DYNC2H1: variants seen among roughly 807,000 people sequenced by gnomAD.
The protein encoded by DYNC2H1 is dynein cytoplasmic 2 heavy chain 1.
A neutral mutation model predicts 570.0 loss-of-function variants in DYNC2H1; 410 were observed. The ratio of observed to expected loss-of-function variants is 0.72; its 90% CI spans 0.66 to 0.78. The LOEUF is 0.78. Among genes scored for constraint, DYNC2H1 ranks in the 30% least tolerant of loss-of-function variants. The pLI, the probability that DYNC2H1 is intolerant of heterozygous loss-of-function variation, is 0.00. For missense variants in DYNC2H1, 4,865 were observed against 5,046.4 expected, an observed-to-expected ratio of 0.96 and a Z score of 1.09; for synonymous variants, 1,688 against 1,677.6, an observed-to-expected ratio of 1.01 and a Z score of -0.15.
intron 85 of DYNC2H1, among the ~76,000 whole-genome samples, chr11:103,440,385 C>G (rs530543826): frequency 7.8e-4 from 119 of 152,222 alleles, no homozygotes; most frequent in African/African-American, 2.8e-3. Context: ...AGTTTCATGT[C>G]TTTAGTTTTA....
chr11:103,335,514 T>C (rs1427942569), intron 82 of DYNC2H1, among the ~76,000 whole-genome samples: 1 of 151,802 alleles, frequency 6.6e-6, no homozygotes, highest in Non-Finnish European at 1.5e-5. Flanking sequence ...AGGAGAAAAA[T>C]ATGCTTTTGA....
At position 103,363,441 on chromosome 11, in the gene DYNC2H1, G is replaced by T. The variant is rs571756104; in HGVS notation, c.12156+5082G>T. Reference sequence around the variant, plus strand: ...TCTGGAATTTAGCAATTTCAAAATTGCTGTTAGGGGTTTAGATTAATACTC... The same window carrying T: ...TCTGGAATTTAGCAATTTCAAAATTTCTGTTAGGGGTTTAGATTAATACTC... On this transcript the variant is annotated intron_variant, in intron 83 of 88. Coordinates refer to ENST00000375735, the MANE Select transcript of DYNC2H1 (RefSeq NM_001377.3). This position sits in a 1 kb window ranked among gnomAD's most constrained non-coding sequence, Gnocchi z 5.6. 5.3e-5 allele frequency among the ~76,000 whole-genome samples: 8 copies of T among 152,260 alleles called. No homozygotes were observed. The South Asian group carries it at 1.7e-3, about 32-fold the overall frequency.
At position 103,358,191 on chromosome 11, in the gene DYNC2H1, T is replaced by G. The variant is rs1183059212; in HGVS notation, c.12040-52T>G. The stretch of plus-strand genomic sequence containing the variant: ...TTTTTGTACCTATGTTCTTTCTTCC[T>G]GTTCGGCTGAAGTTCTTTTTATTTG... On this transcript the variant is annotated intron_variant, in intron 82 of 88. Transcript: ENST00000375735. The G allele has an allele frequency of 5.6e-6, 6 of 1,067,272 alleles. No individual in the cohort carries two copies. In the Admixed American group the frequency reaches 1.6e-4, roughly 29 times the overall value. 66.1% of individuals were successfully genotyped at this position (1,067,272 alleles called of 1,614,324 possible).
At chr11:103,400,167 A>C in intron 84 of DYNC2H1, among the ~76,000 whole-genome samples, 1 of 152,330 alleles carries the variant, frequency 6.6e-6, no homozygotes, top group South Asian at 2.1e-4. Context: ...TCCCCTATAC[A>C]TGAGCTTGAG....
chr11:103,121,421 A>G lies in DYNC2H1; in HGVS notation c.1410A>G (p.Ala470=). 1 of 1,613,518 alleles carries G rather than the reference A, an allele frequency of 6.2e-7. No individual in the cohort carries two copies. The highest frequency in any genetic ancestry group is 8.5e-7 in the Non-Finnish European group (1 of 1,179,654). The part of the protein sequence containing the change: ...ENRCRGIPGD[A]SGPLSGKNLS... Reference sequence around the variant, plus strand: ...GGTGCCGAGGAATTCCTGGTGATGCATCTGGACCACTTTCTGGCAAAAATC... The same window carrying G: ...GGTGCCGAGGAATTCCTGGTGATGCGTCTGGACCACTTTCTGGCAAAAATC... The change falls in exon 10 of 89, where the codon GCA becomes GCG. Residue 470 remains alanine (A), a synonymous_variant. Transcript: ENST00000375735.
At chr11:103,255,306 T>G in intron 66 of DYNC2H1, 109 bp from the exon 67 acceptor site, 1 of 1,182,712 alleles carries the variant, frequency 8.5e-7, no homozygotes, top group Non-Finnish European at 1.2e-6. Context: ...TGAGATAACA[T>G]AGTATCATAT....
At chr11:103,175,754 C>T (rs12277383) in intron 36 of DYNC2H1, among the ~76,000 whole-genome samples, 4,407 of 152,076 alleles carry the variant, frequency 0.029, 218 homozygotes, top group African/African-American at 0.1. Flanking sequence ...TGGAGAGGCA[C>T]CTGAATTTAG....
At chr11:103,437,480 C>T (rs1331831529) in intron 85 of DYNC2H1, among the ~76,000 whole-genome samples, 9 of 149,916 alleles carry the variant, frequency 6.0e-5, no homozygotes, top group Non-Finnish European at 1.0e-4. Context: ...TCTATTATAA[C>T]CAGTTCTCTG....
chr11:103,422,524 G>T (rs1481982572), intron 84 of DYNC2H1, among the ~76,000 whole-genome samples: 1 of 152,034 alleles, frequency 6.6e-6, no homozygotes, highest in Non-Finnish European at 1.5e-5. Flanking sequence ...GGGATGCAAG[G>T]TTTGTTCAAC....
rs767920377 is a variant in DYNC2H1 at position 103,455,279 on chromosome 11, C to T, written c.12550C>T (p.Arg4184Cys). ...FHPDTFLNAL[R>C]QETARAVGRS... ...TCCAGACACATTTCTTAATGCTCTT[C>T]GCCAGGAAACTGCAAGGTAATTAAA... The change falls in exon 86 of 89, where the codon CGC becomes TGC. Residue 4184 changes from arginine (R) to cysteine (C), a missense_variant. By Grantham distance (180) the Arg-to-Cys change is radical. Around this residue, in one of 5 missense-constraint regions of DYNC2H1, gnomAD observed 2,401 missense variants for 2,454.6 expected, o/e 0.98. Transcript: ENST00000375735. 1.4e-5 allele frequency: 22 copies of T among 1,612,976 alleles called. No homozygotes were observed. Among genetic ancestry groups the T allele is most frequent in the African/African-American group, 2.7e-5 (2 of 74,868 alleles).
At position 103,146,451 on chromosome 11, in the gene DYNC2H1, A is replaced by G. The variant is rs551273229; in HGVS notation, c.2703-1321A>G. 2.2e-4 allele frequency among the ~76,000 whole-genome samples: 33 copies of G among 152,244 alleles called. 1 individual carries two copies. In the South Asian group the frequency reaches 6.6e-3, roughly 31 times the overall value. On this transcript the variant is annotated intron_variant, in intron 18 of 88. Coordinates refer to ENST00000375735, the MANE Select transcript of DYNC2H1 (RefSeq NM_001377.3). ...ATAATTACTCATTTAAAAACTTTATACTTGTTTTCTGATTATTAAAATAGT... is the reference window on the plus strand; with the variant it reads ...ATAATTACTCATTTAAAAACTTTATGCTTGTTTTCTGATTATTAAAATAGT...
chr11:103,442,144 T>C (rs956000401), intron 85 of DYNC2H1, among the ~76,000 whole-genome samples: 1 of 152,128 alleles, frequency 6.6e-6, no homozygotes, highest in Non-Finnish European at 1.5e-5. Flanking sequence ...TGAATAAGTA[T>C]ATATTTATCA....
In DYNC2H1 at chr11:103,363,373, T is replaced by C. The variant is rs1341909165; in HGVS notation, c.12156+5014T>C. ...CTGGAGAGGAGATCTACTAGTGTGT[T>C]ATTTCAACTGAGAGAGAATGTTTAT... On this transcript the variant is annotated intron_variant, in intron 83 of 88. Coordinates refer to ENST00000375735, the MANE Select transcript of DYNC2H1 (RefSeq NM_001377.3). The surrounding 1 kb of genome is among the most constrained non-coding windows in gnomAD (Gnocchi z 5.6). Among the ~76,000 whole-genome samples the C allele has an allele frequency of 2.0e-5, 3 of 152,200 alleles. No individual in the cohort carries two copies. The highest frequency in any genetic ancestry group is 4.4e-5 in the Non-Finnish European group (3 of 68,026).
At chr11:103,248,709 A>G (rs1176631415) in intron 65 of DYNC2H1, among the ~76,000 whole-genome samples, 1 of 152,030 alleles carries the variant, frequency 6.6e-6, no homozygotes, top group African/African-American at 2.4e-5. Flanking sequence ...CTGTCATAAT[A>G]CATTTCTTTC....
chr11:103,202,670 G>A lies in DYNC2H1; in HGVS notation c.8198-993G>A, dbSNP rs540671120. Reference sequence around the variant, plus strand: ...CTTAGTTGAACCTAAAGAAAAGTAGGGATCAGACTGTGATGGGCCTTATAT... The same window carrying A: ...CTTAGTTGAACCTAAAGAAAAGTAGAGATCAGACTGTGATGGGCCTTATAT... On this transcript the variant is annotated intron_variant, in intron 50 of 88. Transcript: ENST00000375735. Among the ~76,000 whole-genome samples the A allele has an allele frequency of 9.2e-5, 14 of 152,040 alleles. No homozygotes were observed. The South Asian group carries it at 2.7e-3, about 29-fold the overall frequency.
chr11:103,170,581 A>G lies in DYNC2H1; in HGVS notation c.5151+291A>G, dbSNP rs1297825327. ...ATACAAAAGGAAAAATCTTCTGTTCATTTCAGATGACAGTTTTAAAAACAT... is the reference window on the plus strand; with the variant it reads ...ATACAAAAGGAAAAATCTTCTGTTCGTTTCAGATGACAGTTTTAAAAACAT... On this transcript the variant is annotated intron_variant, in intron 33 of 88. Coordinates refer to ENST00000375735, the MANE Select transcript of DYNC2H1 (RefSeq NM_001377.3). This position sits in a 1 kb window ranked among gnomAD's most constrained non-coding sequence, Gnocchi z 4.8. 1.3e-5 allele frequency among the ~76,000 whole-genome samples: 2 copies of G among 152,202 alleles called. No individual in the cohort carries two copies. Among genetic ancestry groups the G allele is most frequent in the Non-Finnish European group, 2.9e-5 (2 of 68,030 alleles).
At chr11:103,457,510 TTTAA>T (rs1451713037) in intron 87 of DYNC2H1, among the ~76,000 whole-genome samples, 170 of 152,132 alleles carry the variant, frequency 1.1e-3, no homozygotes, top group African/African-American at 3.9e-3. Context: ...TGTCTTCATT[TTTAA>T]CAAAAAAGTT....
intron 83 of DYNC2H1, among the ~76,000 whole-genome samples, chr11:103,372,298 C>T (rs2514410): frequency 0.47 from 71,181 of 151,776 alleles, 17,279 homozygotes; most frequent in Non-Finnish European, 0.54. Flanking sequence ...GGATTACAGG[C>T]GTGAGCCTCC....
At chr11:103,267,116 A>G (rs1380456307) in intron 70 of DYNC2H1, among the ~76,000 whole-genome samples, 1 of 152,088 alleles carries the variant, frequency 6.6e-6, no homozygotes, top group South Asian at 2.1e-4. Context: ...CCCGGGTTCC[A>G]GAGGCCTGTG....
Sources: allele counts gnomAD v4.1 joint callset (sites outside exome capture counted in the v4.1 genomes callset), GRCh38; gene constraint gnomAD v4.1.1; regional missense constraint gnomAD v4.1.1; non-coding constraint Gnocchi (gnomAD v3.1); transcripts MANE v1.5; gene names NCBI Gene and HGNC (gene_info 2026-07-23, HGNC 2026-07-21).